The following PPFIA3 variants were observed in gnomAD, a reference collection of about 807,000 sequenced individuals.
PPFIA3 encodes the protein PPFI scaffold protein A3, also known as liprin-alpha-3.
In PPFIA3, 26 loss-of-function variants were observed where a neutral mutation model predicts 145.8. The ratio of observed to expected loss-of-function variants is 0.18; its 90% CI spans 0.13 to 0.25. PPFIA3 has a LOEUF of 0.25. PPFIA3 is among the 10% of genes least tolerant of loss of function. The probability of loss-of-function intolerance (pLI) is 1.00; values close to 1 mark genes in which losing one functional copy is unlikely to be tolerated. For missense variants in PPFIA3, 1,008 were observed against 1,587.8 expected, an observed-to-expected ratio of 0.63 and a Z score of 6.21; for synonymous variants, 645 against 661.4, an observed-to-expected ratio of 0.98 and a Z score of 0.38.
In PPFIA3 at chr19:49,149,202, G is replaced by A; in HGVS notation, c.3285+34G>A. On this transcript the variant is annotated intron_variant, in intron 26 of 29. Transcript: ENST00000334186. This position sits in a 1 kb window ranked among gnomAD's most constrained non-coding sequence, Gnocchi z 5.7. ...CCGCTGGGCCCGGAGCATGCTGGGCGTCCCCACCTCGCAGACTGCACGCTC... is the reference window on the plus strand; with the variant it reads ...CCGCTGGGCCCGGAGCATGCTGGGCATCCCCACCTCGCAGACTGCACGCTC... 1 of 1,613,804 alleles carries A rather than the reference G, an allele frequency of 6.2e-7. No homozygotes were observed. The highest frequency in any genetic ancestry group is 8.5e-7 in the Non-Finnish European group (1 of 1,179,864).
At chr19:49,127,822 C>A in intron 1 of PPFIA3, 37 bp from the exon 2 acceptor site, 1 of 1,577,664 alleles carries the variant, frequency 6.3e-7, no homozygotes, top group South Asian at 1.1e-5. Flanking sequence ...TGTGCCTTGA[C>A]AAGGCCGGTC....
chr19:49,133,347 G>A lies in PPFIA3; in HGVS notation c.1137G>A (p.Ala379=). The A allele has an allele frequency of 6.2e-7, 1 of 1,606,480 alleles. No homozygotes were observed. The highest frequency in any genetic ancestry group is 8.5e-7 in the Non-Finnish European group (1 of 1,176,910). ...TGCCCGAGATAGAGGCGCAGCTGGC[G>A]CAGCGCGTGGCGGCGCTCAACAAGG... The part of the protein sequence containing the change: ...ETLPEIEAQL[A]QRVAALNKAE... Residue 379 remains alanine, a synonymous_variant, in exon 9 of 30, where the codon GCG becomes GCA. Transcript: ENST00000334186. The surrounding 1 kb of genome is among the most constrained non-coding windows in gnomAD (Gnocchi z 7.2).
chr19:49,142,762 C>T (rs2041239489), intron 20 of PPFIA3, 42 bp from the exon 21 acceptor site: 3 of 1,578,190 alleles, frequency 1.9e-6, no homozygotes, highest in East Asian at 4.5e-5. Context: ...TTCTCCTCCT[C>T]TGTCCCTCTG....
At position 49,135,874 on chromosome 19, in the gene PPFIA3, G is replaced by T. The variant is rs756863571; in HGVS notation, c.1616G>T (p.Arg539Leu). 2.5e-6 allele frequency: 4 copies of T among 1,613,600 alleles called. No individual in the cohort carries two copies. The highest frequency in any genetic ancestry group is 3.4e-6 in the Non-Finnish European group (4 of 1,179,838). ...HLDPYVAGSG[R>L]AGKRGRWSGV... The stretch of plus-strand genomic sequence containing the variant: ...GATCCCTATGTGGCTGGCAGTGGTC[G>T]GGCAGGCAAGAGGGGCCGCTGGTCA... Residue 539 changes from arginine (R) to leucine (L), a missense_variant, in exon 14 of 30, where the codon CGG (arginine) becomes CTG (leucine). By Grantham distance (102) the Arg-to-Leu change is moderately radical (BLOSUM62 -2). Around this residue, in one of 11 missense-constraint regions of PPFIA3, gnomAD observed 121 missense variants for 138.2 expected, o/e 0.88. Transcript: ENST00000334186.
Position 49,151,021 on chromosome 19 carries a change from C to T in PPFIA3, c.*799C>T. 1 of 347,528 alleles carries T rather than the reference C, an allele frequency of 2.9e-6. No individual in the cohort carries two copies. Among genetic ancestry groups the T allele is most frequent in the South Asian group, 1.1e-4 (1 of 9,254 alleles). The allele number at this position is 347,528 out of a possible 1,614,324, so 21.5% of individuals were successfully genotyped here. On this transcript the variant is annotated 3_prime_UTR_variant, in exon 30 of 30. Transcript: ENST00000334186. ...TGATCACGGGTAAAGAGAACTGTTT[C>T]AAAAAGCTTCCTTGTTGACTGATTT... is the stretch of plus-strand genomic sequence containing the variant.
At chr19:49,122,714 G>GGTTTTTTTTT (rs1555741934) in intron 1 of PPFIA3, among the ~76,000 whole-genome samples, 1 of 114,876 alleles carries the variant, frequency 8.7e-6, no homozygotes. Flanking sequence ...TTGTTTAGTT[G>GGTTTTTTTTT]TTTTTTTTTT....
intron 14 of PPFIA3, 74 bp downstream of exon 14, chr19:49,135,997 T>C (rs757563970): frequency 4.2e-6 from 6 of 1,417,176 alleles, no homozygotes; most frequent in Non-Finnish European, 5.5e-6. Flanking sequence ...ACTAAATCTG[T>C]GGGGCTCCGG....
intron 1 of PPFIA3, among the ~76,000 whole-genome samples, chr19:49,126,560 CTTTTTTTTT>C (rs762895281): frequency 1.7e-5 from 2 of 118,808 alleles, no homozygotes; most frequent in South Asian, 2.7e-4. Context: ...CCTGGCCTTG[CTTTTTTTTT>C]TTTTTTTTTT....
In PPFIA3 at chr19:49,136,670, C is replaced by T. The variant is rs980143723; in HGVS notation, c.1666-54C>T. Reference sequence around the variant, plus strand: ...GTCAGGATCATGAGCCAAGACCCAGCGCCAACCTCGGCCCCCAGCCACCTA... The same window carrying T: ...GTCAGGATCATGAGCCAAGACCCAGTGCCAACCTCGGCCCCCAGCCACCTA... On this transcript the variant is annotated intron_variant, in intron 14 of 29. Transcript: ENST00000334186. 28 of 1,301,190 alleles carry T rather than the reference C, an allele frequency of 2.2e-5. No homozygotes were observed. The South Asian group carries it at 3.2e-4, about 15-fold the overall frequency. 80.6% of individuals were successfully genotyped at this position (1,301,190 alleles called of 1,614,324 possible).
intron 1 of PPFIA3, among the ~76,000 whole-genome samples, chr19:49,125,139 A>G (rs1184454483): frequency 6.6e-6 from 1 of 152,050 alleles, no homozygotes; most frequent in Non-Finnish European, 1.5e-5. Flanking sequence ...GTTTTCCTGA[A>G]TCTTTCCTCT....
chr19:49,134,801 G>A, intron 12 of PPFIA3, 35 bp from the exon 13 acceptor site: 3 of 1,605,960 alleles, frequency 1.9e-6, no homozygotes, highest in Non-Finnish European at 2.6e-6. Context: ...GGGCGGAGCA[G>A]ATTCTAACCC....
At chr19:49,148,878 T>C in intron 25 of PPFIA3, 115 bp downstream of exon 25, 2 of 1,479,652 alleles carry the variant, frequency 1.4e-6, no homozygotes, top group Non-Finnish European at 9.2e-7. Context: ...ACCGTGGGGG[T>C]GGAGCCAGCG....
chr19:49,124,182 T>A (rs1184347600), intron 1 of PPFIA3, among the ~76,000 whole-genome samples: 1 of 152,054 alleles, frequency 6.6e-6, no homozygotes, highest in Non-Finnish European at 1.5e-5. Flanking sequence ...TTAAAAAATC[T>A]ATTTATTTAT....
chr19:49,139,991 C>A lies in PPFIA3; in HGVS notation c.2271C>A (p.Ala757=). The change falls in exon 18 of 30, where the codon GCC becomes GCA. Residue 757 remains alanine (A), a synonymous_variant. Transcript: ENST00000334186. ...GCACCCCAGATTCTCTGCACAAAGC[C>A]CCCAAGAAGAAGAGCATCAAGTCAT... ...SEGTPDSLHK[A]PKKKSIKSSI... is the part of the protein sequence containing the mutation. 1 of 1,614,152 alleles carries A rather than the reference C, an allele frequency of 6.2e-7. No homozygotes were observed. Among genetic ancestry groups the A allele is most frequent in the South Asian group, 1.1e-5 (1 of 91,076 alleles).
At position 49,128,528 on chromosome 19, in the gene PPFIA3, G is replaced by A. The variant is rs905118538; in HGVS notation, c.342+60G>A. The A allele has an allele frequency of 2.8e-6, 4 of 1,453,672 alleles. No individual in the cohort carries two copies. Among genetic ancestry groups the A allele is most frequent in the Non-Finnish European group, 3.8e-6 (4 of 1,042,110 alleles). The allele number at this position is 1,453,672 out of a possible 1,614,324, so 90.0% of individuals were successfully genotyped here. Reference sequence around the variant, plus strand: ...CGGGGCCTCGTGGTGTTGAAGTGGGGGGCGGGGCCTCTCAGTGTTGCAGCG... The same window carrying A: ...CGGGGCCTCGTGGTGTTGAAGTGGGAGGCGGGGCCTCTCAGTGTTGCAGCG... On this transcript the variant is annotated intron_variant, in intron 3 of 29. Coordinates refer to ENST00000334186, the MANE Select transcript of PPFIA3 (RefSeq NM_003660.4). The surrounding 1 kb of genome is among the most constrained non-coding windows in gnomAD (Gnocchi z 4.1).
rs1368211328 is a variant in PPFIA3, at chr19:49,128,141, AG to A, written c.240+33del. The A allele has an allele frequency of 1.2e-5, 4 of 333,176 alleles. No homozygotes were observed. Among genetic ancestry groups the A allele is most frequent in the Middle Eastern group, 1.0e-3 (1 of 1,002 alleles). The allele number at this position is 333,176 out of a possible 1,614,324, so 20.6% of individuals were successfully genotyped here. A position where few individuals can be genotyped will look rare whatever the true frequency, so the allele number is the denominator to read the frequency against. On this transcript the variant is annotated intron_variant, in intron 2 of 29. Transcript: ENST00000334186. This position sits in a 1 kb window ranked among gnomAD's most constrained non-coding sequence, Gnocchi z 4.1. ...CTGGGCGGGACAGGGGCGGGGCATG[AG>A]GGGGCGGGGCCTCGGGGGGAAGAAG... is the stretch of plus-strand genomic sequence containing the variant.
chr19:49,121,861 T>G (rs187498028), intron 1 of PPFIA3, among the ~76,000 whole-genome samples: 1 of 152,036 alleles, frequency 6.6e-6, no homozygotes, highest in African/African-American at 2.4e-5. Flanking sequence ...GGTCTGAAAC[T>G]CCTAGGCTCA....
In PPFIA3 at chr19:49,142,052, G is replaced by C; in HGVS notation, c.2481G>C (p.Glu827Asp). ...CTTACAGGCATGAACTCCTGGAGGAGGCCTGCCGCCAGGGCCTACCTTTTG... is the reference window on the plus strand; with the variant it reads ...CTTACAGGCATGAACTCCTGGAGGACGCCTGCCGCCAGGGCCTACCTTTTG... ...RNKRKHELLEEACRQGLPFAA... is the reference protein window; with the variant it reads ...RNKRKHELLEDACRQGLPFAA... Residue 827 changes from glutamate to aspartate, a missense_variant, in exon 20 of 30, where the codon GAG (glutamate) becomes GAC (aspartate). Coordinates refer to ENST00000334186, the MANE Select transcript of PPFIA3 (RefSeq NM_003660.4). 1 of 1,572,072 alleles carries C rather than the reference G, an allele frequency of 6.4e-7. No individual in the cohort carries two copies. The highest frequency in any genetic ancestry group is 1.2e-5 in the South Asian group (1 of 85,348).
chr19:49,127,602 A>AT (rs1347193487), intron 1 of PPFIA3, among the ~76,000 whole-genome samples: 2 of 151,406 alleles, frequency 1.3e-5, no homozygotes, highest in African/African-American at 4.8e-5. Context: ...CTGTTAAAAA[A>AT]AAATAATAAT....
Sources: gnomAD v4.1 joint callset for allele counts (sites outside exome capture counted in the v4.1 genomes callset) on GRCh38, gnomAD v4.1.1 for gene constraint, gnomAD v4.1.1 regional missense constraint, Gnocchi (gnomAD v3.1) non-coding constraint, MANE v1.5 for transcripts, NCBI Gene and HGNC (gene_info 2026-07-23, HGNC 2026-07-21) for gene names.